Variants in PDE1A observed in about 807,000 individuals in gnomAD.
PDE1A encodes the protein dual specificity calcium/calmodulin-dependent 3',5'-cyclic nucleotide phosphodiesterase 1A.
Under a neutral mutation model 61.7 loss-of-function variants are expected in PDE1A, and 35 were observed. That is an observed-to-expected ratio of 0.57 (90% confidence interval 0.43 to 0.75). The LOEUF (loss-of-function observed/expected upper bound fraction) is 0.75. PDE1A is among the 30% of genes least tolerant of loss of function. PDE1A has a pLI of 0.00. For synonymous variants in PDE1A, 232 were observed against 213.2 expected, an observed-to-expected ratio of 1.09 and a Z score of -0.77; for missense variants, 597 against 630.6, an observed-to-expected ratio of 0.95 and a Z score of 0.57.
At chr2:182,154,602 G>T (rs2125281282) in intron 13 of PDE1A, among the ~76,000 whole-genome samples, 1 of 152,202 alleles carries the variant, frequency 6.6e-6, no homozygotes, top group East Asian at 1.9e-4. Flanking sequence ...TAAATGGGAG[G>T]TCTCCTGCTT....
At chr2:182,297,286 G>GA (rs71008219) in intron 1 of PDE1A, among the ~76,000 whole-genome samples, 6 of 151,026 alleles carry the variant, frequency 4.0e-5, no homozygotes, top group Admixed American at 6.6e-5. Context: ...TCCCATTAGT[G>GA]AAAAAAAAAA....
At chr2:182,588,703 T>A in the PDE1A span, among the ~76,000 whole-genome samples, 38 of 152,212 alleles carry the variant, frequency 2.5e-4, no homozygotes, top group Non-Finnish European at 5.0e-4. Context: ...AGTATTTAAA[T>A]TTTTAAAGAT....
At chr2:182,579,880 A>G in the PDE1A span, among the ~76,000 whole-genome samples, 2 of 151,348 alleles carry the variant, frequency 1.3e-5, no homozygotes, top group African/African-American at 4.8e-5. Flanking sequence ...TGAGAACAAC[A>G]AACAGTGAAA....
chr2:182,374,506 G>T (rs1700283447), intron 1 of PDE1A, among the ~76,000 whole-genome samples: 1 of 152,012 alleles, frequency 6.6e-6, no homozygotes, highest in Admixed American at 6.6e-5. Context: ...CTATTTAAAA[G>T]AGACAGTTTT....
intron 1 of PDE1A, among the ~76,000 whole-genome samples, chr2:182,293,004 T>C (rs560645021): frequency 1.6e-4 from 24 of 152,254 alleles, no homozygotes; most frequent in African/African-American, 5.5e-4. Context: ...ATAATTTACC[T>C]ACAGTGAAAG....
chr2:182,448,815 C>A (rs570628971), intron 2 of PDE1A, among the ~76,000 whole-genome samples: 15 of 152,018 alleles, frequency 9.9e-5, no homozygotes, highest in African/African-American at 3.6e-4. Flanking sequence ...TTAGCAGATA[C>A]AAACATAAGT....
At chr2:182,229,201 T>C (rs1009998791) in intron 6 of PDE1A, among the ~76,000 whole-genome samples, 3 of 152,152 alleles carry the variant, frequency 2.0e-5, no homozygotes, top group Admixed American at 6.6e-5. Context: ...AAAAAATGCA[T>C]TCAAGCAGGA....
Position 182,337,706 on chromosome 2 carries a change from G to A in PDE1A, c.54-73292C>T, listed in dbSNP as rs530876795. On this transcript the variant is annotated intron_variant, in intron 1 of 13. Coordinates refer to ENST00000351439, the Ensembl canonical transcript of PDE1A. ...CTTCGACAGCTGATCTAAAAAGGTC[G>A]CCTATTCTAAGTATCACAGGATAGA... Among the ~76,000 whole-genome samples the A allele has an allele frequency of 5.9e-5, 9 of 152,190 alleles. No homozygotes were observed. In the East Asian group the frequency reaches 7.7e-4, roughly 13 times the overall value.
At chr2:182,212,896 G>A (rs6726324) in intron 7 of PDE1A, among the ~76,000 whole-genome samples, 10 of 151,904 alleles carry the variant, frequency 6.6e-5, no homozygotes, top group Non-Finnish European at 1.3e-4. Context: ...CGGGAAGCTC[G>A]AACTGGGTGG....
chr2:182,565,430 G>A, the PDE1A span, among the ~76,000 whole-genome samples: 13 of 152,188 alleles, frequency 8.5e-5, no homozygotes, highest in Non-Finnish European at 1.3e-4. Context: ...TCTCAGAGGA[G>A]TACCCGGCCA....
At chr2:182,618,260 G>A in the PDE1A span, among the ~76,000 whole-genome samples, 1 of 152,184 alleles carries the variant, frequency 6.6e-6, no homozygotes, top group South Asian at 2.1e-4. Flanking sequence ...TTATTATAGT[G>A]TCATAAATTT....
chr2:182,244,158 C>T (rs1206720368), intron 2 of PDE1A, among the ~76,000 whole-genome samples: 10 of 152,168 alleles, frequency 6.6e-5, no homozygotes, highest in East Asian at 1.9e-4. Context: ...TGAGCCACAA[C>T]GCCCGGCCTT....
chr2:182,277,572 A>G (rs1171549802), intron 1 of PDE1A, among the ~76,000 whole-genome samples: 5 of 152,092 alleles, frequency 3.3e-5, no homozygotes, highest in Non-Finnish European at 5.9e-5. Flanking sequence ...CATGAGGCAA[A>G]CAAAGCAAGT....
rs143331903 is a variant in PDE1A at position 182,394,770 on chromosome 2, T to C, written c.53+31808A>G. Among the ~76,000 whole-genome samples the C allele has an allele frequency of 2.1e-3, 315 of 152,330 alleles. 1 individual carries two copies. The highest frequency in any genetic ancestry group is 7.4e-3 in the African/African-American group (308 of 41,574). On this transcript the variant is annotated intron_variant, in intron 1 of 13. Coordinates refer to ENST00000351439, the Ensembl canonical transcript of PDE1A. ...GGCATAGACATACTTAGCTGCTGGC[T>C]AAATCCCCACATTGGCTCCCTGACT...
At chr2:182,672,672 G>T in the PDE1A span, among the ~76,000 whole-genome samples, 1 of 152,018 alleles carries the variant, frequency 6.6e-6, no homozygotes, top group Admixed American at 6.5e-5. Flanking sequence ...TTGACCAGCC[G>T]TTAGTAACAA....
At chr2:182,598,010 T>G in the PDE1A span, among the ~76,000 whole-genome samples, 1 of 152,236 alleles carries the variant, frequency 6.6e-6, no homozygotes, top group Non-Finnish European at 1.5e-5. Context: ...AATGTGAAAT[T>G]TAAGCGACTA....
At chr2:182,379,041 C>T (rs1700577434) in intron 1 of PDE1A, among the ~76,000 whole-genome samples, 1 of 152,122 alleles carries the variant, frequency 6.6e-6, no homozygotes, top group South Asian at 2.1e-4. Flanking sequence ...AGTTAGTTTT[C>T]ATGAAGATTA....
intron 2 of PDE1A, among the ~76,000 whole-genome samples, chr2:182,242,896 CTCCCTCTCT>C: frequency 7.3e-6 from 1 of 136,904 alleles, no homozygotes; most frequent in Non-Finnish European, 1.6e-5. Flanking sequence ...CTCTCTCTCT[CTCCCTCTCT>C]CTCTCTCTCT....
At chr2:182,456,916 A>G (rs1371439917) in intron 2 of PDE1A, among the ~76,000 whole-genome samples, 1 of 152,096 alleles carries the variant, frequency 6.6e-6, no homozygotes, top group African/African-American at 2.4e-5. Flanking sequence ...GAAAAATACA[A>G]TCTTTTATAT....
Sources: gnomAD v4.1 joint callset for allele counts (sites outside exome capture counted in the v4.1 genomes callset) on GRCh38, gnomAD v4.1.1 for gene constraint, MANE v1.5 for transcripts, NCBI Gene and HGNC (gene_info 2026-07-23, HGNC 2026-07-21) for gene names.